Variants in SAMD12 observed in about 807,000 individuals in gnomAD.
The protein encoded by SAMD12 is sterile alpha motif domain containing 12.
In SAMD12, 9 loss-of-function variants were observed where a neutral mutation model predicts 15.0. The ratio of observed to expected loss-of-function variants is 0.60; its 90% CI spans 0.36 to 1.05. The LOEUF (loss-of-function observed/expected upper bound fraction) is 1.05, where lower values mean the gene tolerates loss of function less well. Ranked by LOEUF, SAMD12 falls within the 50% of genes least tolerant of loss-of-function variation. The probability of loss-of-function intolerance (pLI) is 0.01; values close to 1 mark genes in which losing one functional copy is unlikely to be tolerated. For missense variants in SAMD12, 230 were observed against 234.2 expected (o/e 0.98, Z 0.12); for synonymous variants, 86 against 90.1 (o/e 0.96, Z 0.25).
chr8:118,514,832 GT>G (rs1188290045), intron 2 of SAMD12, among the ~76,000 whole-genome samples: 3 of 152,122 alleles, frequency 2.0e-5, no homozygotes, highest in Non-Finnish European at 4.4e-5. Flanking sequence ...CTTAGGACGG[GT>G]TAGTTGCTGA....
intron 2 of SAMD12, among the ~76,000 whole-genome samples, chr8:118,521,508 C>T (rs1414792754): frequency 6.6e-6 from 1 of 152,208 alleles, no homozygotes; most frequent in African/African-American, 2.4e-5. Flanking sequence ...TTTTACCTTT[C>T]ACACTACTTC....
chr8:118,490,689 A>C (rs1192202352), intron 2 of SAMD12, among the ~76,000 whole-genome samples: 1 of 152,196 alleles, frequency 6.6e-6, no homozygotes, highest in Non-Finnish European at 1.5e-5. Context: ...CAGCATCTTC[A>C]AGGCCCAAGG....
chr8:118,621,120 A>C (rs903939741), intron 1 of SAMD12: 5 of 152,280 alleles, frequency 3.3e-5, no homozygotes, highest in African/African-American at 1.2e-4. Flanking sequence ...CAAAACTGCA[A>C]AGCCGAAGCT....
chr8:118,197,957 G>A (rs989562451), intron 4 of SAMD12, among the ~76,000 whole-genome samples: 1 of 152,174 alleles, frequency 6.6e-6, no homozygotes, highest in African/African-American at 2.4e-5. Flanking sequence ...ACCCAACTGA[G>A]AAATAGGTGA....
the SAMD12 span, among the ~76,000 whole-genome samples, chr8:118,134,339 A>G: frequency 6.6e-6 from 1 of 152,232 alleles, no homozygotes; most frequent in Non-Finnish European, 1.5e-5. Flanking sequence ...GGGCTTTCCC[A>G]TGAGGGGCTT....
At chr8:118,322,897 T>C (rs1816358780) in intron 4 of SAMD12, among the ~76,000 whole-genome samples, 1 of 152,006 alleles carries the variant, frequency 6.6e-6, no homozygotes, top group South Asian at 2.1e-4. Flanking sequence ...AAAATATTTG[T>C]TGTGGCAGAG....
At chr8:118,348,289 G>A (rs985778038) in intron 4 of SAMD12, among the ~76,000 whole-genome samples, 4 of 152,022 alleles carry the variant, frequency 2.6e-5, no homozygotes, top group African/African-American at 4.8e-5. Context: ...GGCTGGTCTC[G>A]AACTGCTGGC....
chr8:118,524,047 T>TA (rs1337608943), intron 2 of SAMD12, among the ~76,000 whole-genome samples: 2 of 152,130 alleles, frequency 1.3e-5, no homozygotes, highest in Non-Finnish European at 2.9e-5. Flanking sequence ...TCTCCCATGT[T>TA]AAAAAATATA....
intron 4 of SAMD12, among the ~76,000 whole-genome samples, chr8:118,369,043 T>C (rs73325659): frequency 0.011 from 1,693 of 152,328 alleles, 30 homozygotes; most frequent in African/African-American, 0.037. Flanking sequence ...TATGATGGCA[T>C]ACATCATTCT....
At chr8:118,421,685 T>G (rs1822003582) in intron 3 of SAMD12, among the ~76,000 whole-genome samples, 1 of 152,214 alleles carries the variant, frequency 6.6e-6, no homozygotes, top group African/African-American at 2.4e-5. Flanking sequence ...AAATAGAAGC[T>G]TTTTAGATAA....
At chr8:118,196,271 T>C (rs1819560607) in exon 5 of SAMD12, 1 of 152,188 alleles carries the variant, frequency 6.6e-6, no homozygotes, top group Non-Finnish European at 1.5e-5. Flanking sequence ...CAGAACTGGT[T>C]ACCCATATTT....
chr8:118,465,424 C>T (rs989474113), intron 2 of SAMD12, among the ~76,000 whole-genome samples: 4 of 152,194 alleles, frequency 2.6e-5, no homozygotes, highest in Non-Finnish European at 4.4e-5. Context: ...CCCAAGGCAT[C>T]TGTCTGCTTG....
chr8:118,464,109 T>C (rs1409699594), intron 2 of SAMD12, among the ~76,000 whole-genome samples: 1 of 152,180 alleles, frequency 6.6e-6, no homozygotes, highest in African/African-American at 2.4e-5. Context: ...CCTTCAATTA[T>C]ATACTGTCCT....
chr8:118,197,615 A>G, exon 5 of SAMD12: 1 of 1,020,278 alleles, frequency 9.8e-7, no homozygotes, highest in South Asian at 1.3e-5. Context: ...CGATCCAAGG[A>G]TATCTTCTGG....
chr8:118,555,174 G>T (rs1047580997), intron 2 of SAMD12, among the ~76,000 whole-genome samples: 1 of 152,154 alleles, frequency 6.6e-6, no homozygotes, highest in Non-Finnish European at 1.5e-5. Context: ...CACACACAGC[G>T]TACCTCCTCA....
intron 3 of SAMD12, among the ~76,000 whole-genome samples, chr8:118,407,263 G>A (rs1273178438): frequency 6.6e-6 from 1 of 152,032 alleles, no homozygotes; most frequent in Non-Finnish European, 1.5e-5. Flanking sequence ...CATAGCAGCT[G>A]CACTATTTTA....
At chr8:118,346,715 A>G (rs1036854652) in intron 4 of SAMD12, among the ~76,000 whole-genome samples, 1 of 152,232 alleles carries the variant, frequency 6.6e-6, no homozygotes, top group African/African-American at 2.4e-5. Flanking sequence ...ACTATAGCAA[A>G]AGGATACAAA....
intron 4 of SAMD12, among the ~76,000 whole-genome samples, chr8:118,338,462 A>T (rs1054421453): frequency 1.3e-5 from 2 of 152,226 alleles, no homozygotes; most frequent in Non-Finnish European, 2.9e-5. Context: ...TTGAATTCCA[A>T]TGTGGAAACG....
At chr8:118,291,022 T>A (rs1219304261) in intron 4 of SAMD12, among the ~76,000 whole-genome samples, 1 of 152,242 alleles carries the variant, frequency 6.6e-6, no homozygotes, top group Non-Finnish European at 1.5e-5. Context: ...CTAATTATTC[T>A]CATAAGCAGC....
Sources: gnomAD v4.1 joint callset for allele counts (sites outside exome capture counted in the v4.1 genomes callset) on GRCh38, gnomAD v4.1.1 for gene constraint, MANE v1.5 for transcripts, NCBI Gene and HGNC (gene_info 2026-07-23, HGNC 2026-07-21) for gene names.